Variants in ATF6 observed in about 807,000 individuals in gnomAD.
ATF6 encodes the protein cyclic AMP-dependent transcription factor ATF-6 alpha.
In ATF6, 53 loss-of-function variants were observed where a neutral mutation model predicts 83.6. The observed-to-expected ratio is 0.63, with a 90% CI of 0.51 to 0.80. The LOEUF (loss-of-function observed/expected upper bound fraction) is 0.80. Ranked by LOEUF, ATF6 falls within the 30% of genes least tolerant of loss-of-function variation. ATF6 has a pLI of 0.00. For synonymous variants in ATF6, 288 were observed against 285.8 expected (o/e 1.01, Z -0.08); for missense variants, 744 against 797.9 (o/e 0.93, Z 0.81).
intron 14 of ATF6, among the ~76,000 whole-genome samples, chr1:161,893,012 T>C (rs947468372): frequency 6.6e-6 from 1 of 152,200 alleles, no homozygotes; most frequent in African/African-American, 2.4e-5. Flanking sequence ...CATTGTCTTC[T>C]CAACAGTAAG....
chr1:161,873,316 C>T (rs16858058), intron 14 of ATF6, among the ~76,000 whole-genome samples: 21,962 of 151,484 alleles, frequency 0.14, 2,171 homozygotes, highest in East Asian at 0.31. Context: ...TTTTTTCTCA[C>T]ATTAAGTTAG....
At chr1:161,776,244 A>G (rs1257833849) in intron 1 of ATF6, among the ~76,000 whole-genome samples, 1 of 151,644 alleles carries the variant, frequency 6.6e-6, no homozygotes, top group Admixed American at 6.6e-5. Flanking sequence ...CAGTATGACC[A>G]CTCTCCTAAC....
chr1:161,890,839 C>T (rs1420194266), intron 14 of ATF6: 1 of 152,554 alleles, frequency 6.6e-6, no homozygotes, highest in Non-Finnish European at 1.5e-5. Context: ...CTGGAGTGGT[C>T]TGTTGGGAGT....
At chr1:161,819,546 A>G in intron 7 of ATF6, 87 bp from the exon 8 acceptor site, 1 of 1,123,398 alleles carries the variant, frequency 8.9e-7, no homozygotes, top group Non-Finnish European at 1.2e-6. Context: ...ATTGTTGGTT[A>G]AAATAATTGT....
intron 6 of ATF6, among the ~76,000 whole-genome samples, chr1:161,795,180 A>G (rs933081461): frequency 6.6e-5 from 10 of 152,178 alleles, no homozygotes. Flanking sequence ...CAAGAATTCT[A>G]CACTTTAATT....
chr1:161,855,082 A>G (rs557770435), intron 12 of ATF6, among the ~76,000 whole-genome samples: 1 of 152,104 alleles, frequency 6.6e-6, no homozygotes, highest in Non-Finnish European at 1.5e-5. Context: ...GGGTTTCATC[A>G]TGGGTTTGAG....
intron 13 of ATF6, 86 bp downstream of exon 13, chr1:161,860,363 T>A: frequency 1.1e-6 from 1 of 914,790 alleles, no homozygotes; most frequent in South Asian, 2.7e-5. Context: ...CCTTTCACCT[T>A]AAATTTGTTC....
chr1:161,829,716 T>G (rs1571168349), intron 9 of ATF6, among the ~76,000 whole-genome samples: 4 of 152,168 alleles, frequency 2.6e-5, no homozygotes. Context: ...CATAATTATC[T>G]CAATAGATGC....
At chr1:161,813,951 C>G (rs1457094544) in intron 7 of ATF6, among the ~76,000 whole-genome samples, 1 of 146,592 alleles carries the variant, frequency 6.8e-6, no homozygotes, top group Non-Finnish European at 1.5e-5. Context: ...ATGGTGTGAT[C>G]TCGGCTCACC....
At chr1:161,950,710 AC>A (rs958861784) in intron 15 of ATF6, among the ~76,000 whole-genome samples, 5 of 152,032 alleles carry the variant, frequency 3.3e-5, no homozygotes, top group Non-Finnish European at 7.4e-5. Context: ...ATGATTTTTT[AC>A]CCCAACCCAG....
intron 9 of ATF6, among the ~76,000 whole-genome samples, chr1:161,823,937 A>C (rs571671815): frequency 6.6e-6 from 1 of 152,330 alleles, no homozygotes; most frequent in Non-Finnish European, 1.5e-5. Flanking sequence ...ATATGTGTAC[A>C]TAAAATGTAT....
chr1:161,920,540 C>T (rs918183275), intron 15 of ATF6, among the ~76,000 whole-genome samples: 5 of 151,852 alleles, frequency 3.3e-5, no homozygotes, highest in South Asian at 2.1e-4. Context: ...ATGATCTGCC[C>T]GCCTCGGCCT....
chr1:161,832,810 G>A (rs1281647386), intron 9 of ATF6, among the ~76,000 whole-genome samples: 2 of 152,226 alleles, frequency 1.3e-5, no homozygotes, highest in African/African-American at 4.8e-5. Flanking sequence ...TCCTGCCTCT[G>A]TAGGCTCCAC....
intron 14 of ATF6, among the ~76,000 whole-genome samples, chr1:161,865,030 G>A (rs1303187038): frequency 6.6e-6 from 1 of 152,122 alleles, no homozygotes; most frequent in Non-Finnish European, 1.5e-5. Context: ...GATAATTACT[G>A]TATTATTTGA....
intron 14 of ATF6, among the ~76,000 whole-genome samples, chr1:161,896,389 G>T (rs1687677864): frequency 6.6e-6 from 1 of 152,196 alleles, no homozygotes; most frequent in African/African-American, 2.4e-5. Flanking sequence ...GAGCCACCAT[G>T]CCCAGCCTCC....
chr1:161,825,097 A>T (rs1685860377), intron 9 of ATF6, among the ~76,000 whole-genome samples: 1 of 152,146 alleles, frequency 6.6e-6, no homozygotes, highest in African/African-American at 2.4e-5. Flanking sequence ...TTTTATTGAG[A>T]CAGGGTCTTG....
chr1:161,798,965 G>A (rs1440780673), intron 6 of ATF6, among the ~76,000 whole-genome samples: 3 of 152,222 alleles, frequency 2.0e-5, no homozygotes, highest in Non-Finnish European at 4.4e-5. Context: ...TGGCAAGATT[G>A]CAGAGAAAAG....
intron 9 of ATF6, among the ~76,000 whole-genome samples, chr1:161,827,648 GAA>G (rs199515359): frequency 1.4e-5 from 2 of 140,258 alleles, no homozygotes; most frequent in Non-Finnish European, 1.6e-5. Context: ...TGGGCCAAAT[GAA>G]AAAAAAAAAA....
intron 9 of ATF6, among the ~76,000 whole-genome samples, chr1:161,828,435 G>A (rs1685958499): frequency 6.6e-6 from 1 of 152,212 alleles, no homozygotes; most frequent in South Asian, 2.1e-4. Flanking sequence ...TCTGGATATA[G>A]TTCCTGATCC....
Sources: allele counts gnomAD v4.1 joint callset (sites outside exome capture counted in the v4.1 genomes callset), GRCh38; gene constraint gnomAD v4.1.1; transcripts MANE v1.5; gene names NCBI Gene and HGNC (gene_info 2026-07-23, HGNC 2026-07-21).